DYNLT2: variants seen among roughly 807,000 people sequenced by gnomAD.
DYNLT2 encodes the protein dynein light chain Tctex-type protein 2.
A neutral mutation model predicts 24.3 loss-of-function variants in DYNLT2; 24 were observed. The observed-to-expected ratio is 0.99, with a 90% CI of 0.71 to 1.39. DYNLT2 has a LOEUF of 1.39. Among genes scored for constraint, DYNLT2 ranks in the 40% most tolerant of loss-of-function variants. DYNLT2 has a pLI of 0.00. For synonymous variants in DYNLT2, 85 were observed against 85.4 expected (o/e 1.00, Z 0.03); for missense variants, 246 against 234.5 (o/e 1.05, Z -0.32).
chr6:169,725,442 C>T, the DYNLT2 span: 7 of 397,602 alleles, frequency 1.8e-5, no homozygotes, highest in Non-Finnish European at 3.1e-5. Context: ...GAGGTCACCA[C>T]TGACGACGCC....
downstream of DYNLT2, among the ~76,000 whole-genome samples, chr6:169,738,118 A>G (rs1789599057): frequency 6.6e-6 from 1 of 152,192 alleles, no homozygotes; most frequent in Non-Finnish European, 1.5e-5. Flanking sequence ...GGCTGTGGGG[A>G]CAAGTCATGG....
intron 2 of DYNLT2, 134 bp downstream of exon 2, chr6:169,743,934 A>G: frequency 3.7e-6 from 3 of 812,912 alleles, no homozygotes; most frequent in Non-Finnish European, 5.7e-6. Flanking sequence ...GCCTGCACCA[A>G]TGACACAATA....
intron 3 of DYNLT2, 38 bp downstream of exon 3, chr6:169,743,042 G>T: frequency 7.0e-7 from 1 of 1,429,950 alleles, no homozygotes; most frequent in Non-Finnish European, 9.3e-7. Flanking sequence ...ATGCCTTATA[G>T]TTCTAATTGC....
At chr6:169,749,756 G>T (rs1351733079) in intron 1 of DYNLT2, 2 of 152,144 alleles carry the variant, frequency 1.3e-5, no homozygotes, top group Non-Finnish European at 2.9e-5. Flanking sequence ...AATTGCAGAT[G>T]AGTTAATTCT....
chr6:169,738,786 G>C (rs888424244), downstream of DYNLT2: 1 of 152,394 alleles, frequency 6.6e-6, no homozygotes, highest in Non-Finnish European at 1.5e-5. Context: ...TAAAATCATG[G>C]CGCAAGGCAA....
chr6:169,746,151 CCTCTCTTTCTTAG>C (rs1789793589), intron 1 of DYNLT2, among the ~76,000 whole-genome samples: 1 of 152,170 alleles, frequency 6.6e-6, no homozygotes, highest in Admixed American at 6.5e-5. Context: ...TAATGTGTGT[CCTCTCTTTCTTAG>C]CCTGCATAGA....
chr6:169,735,009 G>A, the DYNLT2 span, among the ~76,000 whole-genome samples: 7 of 152,014 alleles, frequency 4.6e-5, no homozygotes, highest in South Asian at 2.1e-4. Flanking sequence ...TTCCTGGTTT[G>A]GTCTTGGTAG....
intron 3 of DYNLT2, among the ~76,000 whole-genome samples, chr6:169,741,273 C>T (rs754088622): frequency 6.6e-6 from 1 of 152,148 alleles, no homozygotes; most frequent in Non-Finnish European, 1.5e-5. Flanking sequence ...CTCTCACACT[C>T]GTGGAACACT....
At chr6:169,741,468 G>C (rs1789677145) in intron 3 of DYNLT2, among the ~76,000 whole-genome samples, 1 of 152,174 alleles carries the variant, frequency 6.6e-6, no homozygotes, top group Non-Finnish European at 1.5e-5. Context: ...GAGACCAGCA[G>C]AAAAGCCAAG....
At chr6:169,733,678 G>T in the DYNLT2 span, among the ~76,000 whole-genome samples, 3 of 152,118 alleles carry the variant, frequency 2.0e-5, no homozygotes, top group African/African-American at 7.2e-5. Context: ...ATGCTGTTTT[G>T]GTTACTGTAG....
rs545446196 is a variant in DYNLT2, at chr6:169,742,821, A to T, written c.486+259T>A. On this transcript the variant is annotated intron_variant, in intron 3 of 3. Transcript: ENST00000366774. Reference sequence around the variant, plus strand: ...ACCATGTTAGCCAGGCTGGTCTCAAACTCCTGACCTCAGGTGATCCACCTG... The same window carrying T: ...ACCATGTTAGCCAGGCTGGTCTCAATCTCCTGACCTCAGGTGATCCACCTG... 3.0e-4 allele frequency among the ~76,000 whole-genome samples: 45 copies of T among 151,752 alleles called. 1 individual carries two copies. In the South Asian group the frequency reaches 9.2e-3, roughly 31 times the overall value.
chr6:169,725,172 G>C, the DYNLT2 span: 2 of 398,754 alleles, frequency 5.0e-6, no homozygotes, highest in African/African-American at 4.1e-5. Flanking sequence ...AAAGTGAGGA[G>C]CCAAGCCTGG....
At chr6:169,750,014 C>G (rs570577618) in intron 1 of DYNLT2, 2 of 152,198 alleles carry the variant, frequency 1.3e-5, no homozygotes, top group South Asian at 4.1e-4. Flanking sequence ...TTTCTCACCT[C>G]TAAAAGAATC....
At chr6:169,747,704 A>G (rs1045846804) in intron 1 of DYNLT2, among the ~76,000 whole-genome samples, 6 of 152,170 alleles carry the variant, frequency 3.9e-5, no homozygotes, top group African/African-American at 1.4e-4. Flanking sequence ...TTTGACGAAA[A>G]CTAATAACTC....
At chr6:169,741,950 T>C (rs1171941538) in intron 3 of DYNLT2, among the ~76,000 whole-genome samples, 1 of 152,168 alleles carries the variant, frequency 6.6e-6, no homozygotes, top group Non-Finnish European at 1.5e-5. Flanking sequence ...CTGGCGGTTC[T>C]CTCGCCAGTA....
At chr6:169,748,319 C>G (rs1452747954) in intron 1 of DYNLT2, among the ~76,000 whole-genome samples, 1 of 152,116 alleles carries the variant, frequency 6.6e-6, no homozygotes, top group African/African-American at 2.4e-5. Flanking sequence ...ATAAAGGAGG[C>G]CTTTCCTTGT....
At chr6:169,750,989 A>C in intron 1 of DYNLT2, 1 of 189,094 alleles carries the variant, frequency 5.3e-6, no homozygotes, top group Admixed American at 5.8e-5. Context: ...CACTAAATAC[A>C]CTAACATACT....
downstream of DYNLT2, among the ~76,000 whole-genome samples, chr6:169,738,324 C>T (rs146035015): frequency 3.9e-4 from 60 of 152,362 alleles, no homozygotes; most frequent in African/African-American, 1.4e-3. Context: ...GCTGGCCACC[C>T]TTCCTCATGG....
At chr6:169,726,684 C>T in the DYNLT2 span, among the ~76,000 whole-genome samples, 1 of 152,114 alleles carries the variant, frequency 6.6e-6, no homozygotes, top group African/African-American at 2.4e-5. Flanking sequence ...TCTCTCTGAC[C>T]CTCCATTTCC....
Sources: allele counts gnomAD v4.1 joint callset (sites outside exome capture counted in the v4.1 genomes callset), GRCh38; gene constraint gnomAD v4.1.1; transcripts MANE v1.5; gene names NCBI Gene and HGNC (gene_info 2026-07-23, HGNC 2026-07-21).